Variants in ATP9A observed in about 807,000 individuals in gnomAD.
The protein encoded by ATP9A is ATPase phospholipid transporting 9A, also known as probable phospholipid-transporting ATPase IIA.
In ATP9A, 52 loss-of-function variants were observed where a neutral mutation model predicts 144.1. That is an observed-to-expected ratio of 0.36 (90% CI 0.29 to 0.45). The LOEUF (loss-of-function observed/expected upper bound fraction) is 0.45. ATP9A is among the 20% of genes least tolerant of loss of function. ATP9A has a pLI of 1.00. For missense variants in ATP9A, 947 were observed against 1,392.7 expected (o/e 0.68, Z 5.09); for synonymous variants, 582 against 557.4 (o/e 1.04, Z -0.62).
chr20:51,667,804 C>A (rs2122783350), intron 13 of ATP9A, among the ~76,000 whole-genome samples: 1 of 152,016 alleles, frequency 6.6e-6, no homozygotes, highest in South Asian at 2.1e-4. Flanking sequence ...GTAATCCCAA[C>A]ACTTTGGGAA....
intron 1 of ATP9A, chr20:51,734,405 A>G (rs2077754666): frequency 6.6e-6 from 1 of 152,146 alleles, no homozygotes; most frequent in Admixed American, 6.6e-5. Context: ...AGACCATAAC[A>G]CCGTTCATCA....
chr20:51,671,312 A>C, intron 11 of ATP9A, 55 bp from the exon 12 acceptor site: 1 of 1,577,742 alleles, frequency 6.3e-7, no homozygotes, highest in Non-Finnish European at 8.7e-7. Flanking sequence ...GGCTCCTTGT[A>C]TCTTTATAAA....
chr20:51,728,552 C>T (rs2077725799), intron 2 of ATP9A, among the ~76,000 whole-genome samples: 1 of 149,440 alleles, frequency 6.7e-6, no homozygotes. Context: ...TGCTTGAACC[C>T]AGGAGGCGGA....
rs186691066 is a variant in ATP9A, at chr20:51,730,010, C to T, written c.69-32G>A. The T allele has an allele frequency of 8.7e-4, 1,302 of 1,489,522 alleles. 3 individuals carry two copies. The highest frequency in any genetic ancestry group is 3.3e-3 in the Admixed American group (134 of 40,968). 92.3% of individuals were successfully genotyped at this position (1,489,522 alleles called of 1,614,324 possible). ...GAAAGAAACCCACGCATCAAGGCCA[C>T]GCCCACGCATCGAGGCTGTGCTCAT... On this transcript the variant is annotated intron_variant, in intron 1 of 27. Coordinates refer to ENST00000338821, the MANE Select transcript of ATP9A (RefSeq NM_006045.3).
In ATP9A at chr20:51,639,336, G is replaced by A. The variant is rs762262162; in HGVS notation, c.1668+7C>T. 46 of 1,609,038 alleles carry A rather than the reference G, an allele frequency of 2.9e-5. No individual in the cohort carries two copies. Among genetic ancestry groups the A allele is most frequent in the Admixed American group, 6.7e-5 (4 of 59,302 alleles). ...AGCACTTTAAGCCATGAATAAAAAC[G>A]ACTCACCCGCACGATGATGCCCATA... On this transcript the variant is annotated splice_region_variant and intron_variant, in intron 15 of 27. Coordinates refer to ENST00000338821, the MANE Select transcript of ATP9A (RefSeq NM_006045.3).
chr20:51,759,780 T>A (rs1457211503), intron 1 of ATP9A, among the ~76,000 whole-genome samples: 1 of 152,134 alleles, frequency 6.6e-6, no homozygotes, highest in East Asian at 1.9e-4. Context: ...AGGAAGGACA[T>A]TGAAACACAC....
chr20:51,743,463 G>A (rs536127705), intron 1 of ATP9A, among the ~76,000 whole-genome samples: 1 of 139,580 alleles, frequency 7.2e-6, no homozygotes, highest in East Asian at 2.0e-4. Flanking sequence ...GCAGTGGCGG[G>A]ATCTCGGCTC....
intron 3 of ATP9A, among the ~76,000 whole-genome samples, chr20:51,713,660 A>T (rs1365133992): frequency 1.3e-5 from 2 of 152,258 alleles, no homozygotes; most frequent in Admixed American, 1.3e-4. Flanking sequence ...GGAGCCAGTA[A>T]GAGGGACCAC....
At chr20:51,648,552 C>A (rs1489220047) in intron 14 of ATP9A, among the ~76,000 whole-genome samples, 1 of 152,136 alleles carries the variant, frequency 6.6e-6, no homozygotes, top group Non-Finnish European at 1.5e-5. Flanking sequence ...CTCTTATTGG[C>A]CCAATGCAGT....
chr20:51,661,524 A>G (rs916954341), intron 13 of ATP9A, among the ~76,000 whole-genome samples: 1 of 110,664 alleles, frequency 9.0e-6, no homozygotes, highest in African/African-American at 3.3e-5. Flanking sequence ...CACCATGCCC[A>G]GCTTTTTTTT....
At chr20:51,681,827 G>T (rs937913311) in intron 9 of ATP9A, among the ~76,000 whole-genome samples, 1 of 152,206 alleles carries the variant, frequency 6.6e-6, no homozygotes, top group Admixed American at 6.5e-5. Flanking sequence ...CCTCAGCACC[G>T]AACAGGTGCG....
At chr20:51,638,148 T>A (rs1337078903) in intron 15 of ATP9A, among the ~76,000 whole-genome samples, 1 of 133,424 alleles carries the variant, frequency 7.5e-6, no homozygotes, top group African/African-American at 2.8e-5. Flanking sequence ...TATCCACTTG[T>A]TGACTGATGA....
intron 21 of ATP9A, among the ~76,000 whole-genome samples, chr20:51,617,968 T>G (rs2122719539): frequency 6.6e-6 from 1 of 152,268 alleles, no homozygotes; most frequent in East Asian, 1.9e-4. Flanking sequence ...GACTATAATC[T>G]CAGCACTTTA....
At position 51,598,129 on chromosome 20, in the gene ATP9A, A is replaced by C. The variant is rs1249357767; in HGVS notation, c.*3082T>G. ...AAAATGAGGATCAAAACTGTCCCACATAAGAAATTACTCAAGATGGAAAAA... is the reference window on the plus strand; with the variant it reads ...AAAATGAGGATCAAAACTGTCCCACCTAAGAAATTACTCAAGATGGAAAAA... On this transcript the variant is annotated 3_prime_UTR_variant, in exon 28 of 28. Coordinates refer to ENST00000338821, the MANE Select transcript of ATP9A (RefSeq NM_006045.3). The C allele has an allele frequency of 6.8e-6, 1 of 146,614 alleles. No homozygotes were observed. Among genetic ancestry groups the C allele is most frequent in the Admixed American group, 7.3e-5 (1 of 13,680 alleles). 9.1% of individuals were successfully genotyped at this position (146,614 alleles called of 1,614,324 possible). A position where few individuals can be genotyped will look rare whatever the true frequency, so the allele number is the denominator to read the frequency against.
chr20:51,618,010 A>C lies in ATP9A; in HGVS notation c.2351-456T>G, dbSNP rs564198242. Among the ~76,000 whole-genome samples, 3 of 152,284 alleles carry C rather than the reference A, an allele frequency of 2.0e-5. No individual in the cohort carries two copies. The East Asian group carries it at 5.8e-4, about 29-fold the overall frequency. On this transcript the variant is annotated intron_variant, in intron 21 of 27. Transcript: ENST00000338821. ...TGAGGCAGGCAGATCACCTGAGGTCAGGAGTTCGAGACCAGCCTGGCCAAC... is the reference window on the plus strand; with the variant it reads ...TGAGGCAGGCAGATCACCTGAGGTCCGGAGTTCGAGACCAGCCTGGCCAAC...
Position 51,767,199 on chromosome 20 carries a change from A to G in ATP9A, c.68+1103T>C, listed in dbSNP as rs938762949. 6.6e-5 allele frequency among the ~76,000 whole-genome samples: 10 copies of G among 150,404 alleles called. No individual in the cohort carries two copies. In the East Asian group the frequency reaches 2.0e-3, roughly 30 times the overall value. On this transcript the variant is annotated intron_variant, in intron 1 of 27. Transcript: ENST00000338821. ...AAGCGGCCGCCACCGGGAAATGCCC[A>G]GAGAGGACCAGACGCCCGAGGAAGG... is the stretch of plus-strand genomic sequence containing the variant.
intron 4 of ATP9A, among the ~76,000 whole-genome samples, chr20:51,710,973 G>T (rs2077636036): frequency 6.6e-6 from 1 of 152,182 alleles, no homozygotes; most frequent in Non-Finnish European, 1.5e-5. Context: ...TGGGGCTTTT[G>T]TTGGTTGCCA....
intron 1 of ATP9A, among the ~76,000 whole-genome samples, chr20:51,733,814 A>G (rs916846599): frequency 2.6e-5 from 4 of 151,816 alleles, no homozygotes; most frequent in African/African-American, 9.7e-5. Context: ...TATGGGACTA[A>G]AGGCATGTGC....
At chr20:51,623,595 A>T (rs999431033) in intron 18 of ATP9A, among the ~76,000 whole-genome samples, 6 of 152,176 alleles carry the variant, frequency 3.9e-5, no homozygotes, top group Non-Finnish European at 8.8e-5. Flanking sequence ...AGCCTGACCA[A>T]CATGGAGAAA....
Sources: allele counts gnomAD v4.1 joint callset (sites outside exome capture counted in the v4.1 genomes callset), GRCh38; gene constraint gnomAD v4.1.1; transcripts MANE v1.5; gene names NCBI Gene and HGNC (gene_info 2026-07-23, HGNC 2026-07-21).